Variants in MRM1 observed in about 807,000 individuals in gnomAD.
The protein encoded by MRM1 is rRNA methyltransferase 1, mitochondrial.
Under a neutral mutation model 25.0 loss-of-function variants are expected in MRM1, and 24 were observed. The observed-to-expected ratio is 0.96, with a 90% CI of 0.69 to 1.35. MRM1 has a LOEUF of 1.35. MRM1 is among the 40% of genes most tolerant of loss of function. The pLI, the probability that MRM1 is intolerant of heterozygous loss-of-function variation, is 0.00. For missense variants in MRM1, 431 were observed against 464.1 expected, an observed-to-expected ratio of 0.93 and a Z score of 0.65; for synonymous variants, 188 against 199.2, an observed-to-expected ratio of 0.94 and a Z score of 0.47.
the MRM1 span, among the ~76,000 whole-genome samples, chr17:36,621,062 G>T: frequency 1.3e-5 from 2 of 152,192 alleles, no homozygotes; most frequent in African/African-American, 4.8e-5. Flanking sequence ...GCAAGGGGTT[G>T]TCACCTCTCT....
the MRM1 span, among the ~76,000 whole-genome samples, chr17:36,621,158 T>A: frequency 6.6e-6 from 1 of 152,130 alleles, no homozygotes; most frequent in African/African-American, 2.4e-5. Context: ...ATTAAGCTCC[T>A]TACAATTTTC....
chr17:36,625,662 A>G, the MRM1 span, among the ~76,000 whole-genome samples: 2 of 151,848 alleles, frequency 1.3e-5, no homozygotes, highest in Admixed American at 6.6e-5. Context: ...GGGTTTCGCC[A>G]TGTGGGTCAG....
chr17:36,604,710 G>T (rs1338650245), intron 2 of MRM1, among the ~76,000 whole-genome samples: 2 of 152,014 alleles, frequency 1.3e-5, no homozygotes, highest in African/African-American at 2.4e-5. Flanking sequence ...GGAGGCGGAG[G>T]TAGGAGAATC....
chr17:36,622,409 T>TA, the MRM1 span, among the ~76,000 whole-genome samples: 1 of 151,820 alleles, frequency 6.6e-6, no homozygotes, highest in Admixed American at 6.6e-5. Context: ...CCATCTCTAC[T>TA]AAAAATACAA....
chr17:36,619,477 G>A, the MRM1 span, among the ~76,000 whole-genome samples: 2 of 152,268 alleles, frequency 1.3e-5, no homozygotes, highest in East Asian at 3.9e-4. Context: ...AGACCAGCCT[G>A]GCCAACATGG....
At chr17:36,614,010 A>C in the MRM1 span, among the ~76,000 whole-genome samples, 1 of 152,144 alleles carries the variant, frequency 6.6e-6, no homozygotes, top group Non-Finnish European at 1.5e-5. Flanking sequence ...GGGATACATG[A>C]AAAAGACTTA....
the MRM1 span, among the ~76,000 whole-genome samples, chr17:36,622,805 C>A: frequency 6.6e-6 from 1 of 152,184 alleles, no homozygotes; most frequent in African/African-American, 2.4e-5. Context: ...CTGGGTCATG[C>A]TCCTGGGGTA....
the MRM1 span, among the ~76,000 whole-genome samples, chr17:36,630,804 C>T: frequency 6.6e-6 from 1 of 152,044 alleles, no homozygotes; most frequent in Non-Finnish European, 1.5e-5. Context: ...AGGGTAAGGG[C>T]ATTGGGGGCA....
the MRM1 span, among the ~76,000 whole-genome samples, chr17:36,616,005 A>G: frequency 6.6e-6 from 1 of 152,060 alleles, no homozygotes; most frequent in Non-Finnish European, 1.5e-5. Flanking sequence ...AACAACAACA[A>G]CAACAACAAC....
the MRM1 span, among the ~76,000 whole-genome samples, chr17:36,623,711 G>A: frequency 6.6e-6 from 1 of 152,194 alleles, no homozygotes; most frequent in Non-Finnish European, 1.5e-5. Flanking sequence ...CAGGCATCCT[G>A]GGGGCTCCCT....
intron 2 of MRM1, among the ~76,000 whole-genome samples, chr17:36,607,397 G>A (rs1355495556): frequency 1.3e-5 from 2 of 151,972 alleles, no homozygotes; most frequent in Non-Finnish European, 2.9e-5. Context: ...AAGGTGGGAG[G>A]ATCGCTTGAA....
At position 36,602,715 on chromosome 17, in the gene MRM1, GC is replaced by G. The variant is rs970424704; in HGVS notation, c.636+73del. The stretch of plus-strand genomic sequence containing the variant: ...CAGCCTCTTCAAGGGGACGAAGCTA[GC>G]CCCTGGCGAGGGAGAGAAAGGGGCA... On this transcript the variant is annotated intron_variant, in intron 2 of 4. Transcript: ENST00000614766. This position sits in a 1 kb window ranked among gnomAD's most constrained non-coding sequence, Gnocchi z 4.1. 1,172 of 1,567,126 alleles carry G rather than the reference GC, an allele frequency of 7.5e-4. No homozygotes were observed. The highest frequency in any genetic ancestry group is 9.7e-4 in the Non-Finnish European group (1,101 of 1,138,742).
the MRM1 span, among the ~76,000 whole-genome samples, chr17:36,627,861 A>G: frequency 6.6e-6 from 1 of 151,716 alleles, no homozygotes; most frequent in Non-Finnish European, 1.5e-5. Context: ...TTTTTAGTAG[A>G]GATAGGGTAT....
At chr17:36,625,991 C>T in the MRM1 span, among the ~76,000 whole-genome samples, 2 of 152,002 alleles carry the variant, frequency 1.3e-5, no homozygotes, top group African/African-American at 4.8e-5. Flanking sequence ...CCATGCCCCC[C>T]CGCCGACCCC....
chr17:36,622,330 G>A, the MRM1 span, among the ~76,000 whole-genome samples: 1 of 152,128 alleles, frequency 6.6e-6, no homozygotes, highest in African/African-American at 2.4e-5. Context: ...CCAGTACTTT[G>A]GGAGGCCGAG....
At chr17:36,616,717 A>AT in the MRM1 span, among the ~76,000 whole-genome samples, 1 of 152,018 alleles carries the variant, frequency 6.6e-6, no homozygotes, top group Admixed American at 6.6e-5. Context: ...TTCCCTTACC[A>AT]TACTTTTTGT....
downstream of MRM1, among the ~76,000 whole-genome samples, chr17:36,612,620 T>C (rs2074983678): frequency 6.6e-6 from 1 of 152,086 alleles, no homozygotes; most frequent in Non-Finnish European, 1.5e-5. Context: ...GAGAGAGCAG[T>C]GGTGGTTAAG....
intron 2 of MRM1, among the ~76,000 whole-genome samples, chr17:36,606,991 T>C (rs1000995169): frequency 1.3e-5 from 2 of 151,290 alleles, no homozygotes; most frequent in Admixed American, 6.6e-5. Context: ...CTCGGTTGAC[T>C]GCAGCCTCTG....
At chr17:36,625,052 G>A in the MRM1 span, among the ~76,000 whole-genome samples, 1 of 152,188 alleles carries the variant, frequency 6.6e-6, no homozygotes, top group African/African-American at 2.4e-5. Context: ...GGTGTGTAAA[G>A]GTAAGAAAAA....
Sources: allele counts gnomAD v4.1 joint callset (sites outside exome capture counted in the v4.1 genomes callset), GRCh38; gene constraint gnomAD v4.1.1; non-coding constraint Gnocchi (gnomAD v3.1); transcripts MANE v1.5; gene names NCBI Gene and HGNC (gene_info 2026-07-23, HGNC 2026-07-21).